PCDHA4: variants seen among roughly 807,000 people sequenced by gnomAD.
PCDHA4 encodes protocadherin alpha-4.
Under a neutral mutation model 61.4 loss-of-function variants are expected in PCDHA4, and 49 were observed. The ratio of observed to expected loss-of-function variants is 0.80; its 90% CI spans 0.63 to 1.01. PCDHA4 has a LOEUF of 1.01. PCDHA4 is among the 50% of genes least tolerant of loss of function. The pLI, the probability that PCDHA4 is intolerant of heterozygous loss-of-function variation, is 0.00. For missense variants in PCDHA4, 1,254 were observed against 1,235.8 expected, an observed-to-expected ratio of 1.01 and a Z score of -0.22; for synonymous variants, 590 against 550.3, an observed-to-expected ratio of 1.07 and a Z score of -1.01.
intron 1 of PCDHA4, among the ~76,000 whole-genome samples, chr5:140,920,752 G>A (rs2079807244): frequency 6.6e-6 from 1 of 151,768 alleles, no homozygotes; most frequent in African/African-American, 2.4e-5. Context: ...GCTGAGGCAG[G>A]AGAATTGCTT....
intron 1 of PCDHA4, among the ~76,000 whole-genome samples, chr5:140,908,393 A>G (rs1295544122): frequency 2.0e-5 from 3 of 152,132 alleles, no homozygotes; most frequent in Non-Finnish European, 4.4e-5. Context: ...CCGATCACAT[A>G]TATACCACTT....
intron 1 of PCDHA4, among the ~76,000 whole-genome samples, chr5:140,941,202 C>CTTTCCTTCTTT (rs1554213921): frequency 8.1e-6 from 1 of 122,742 alleles, no homozygotes; most frequent in Non-Finnish European, 1.8e-5. Flanking sequence ...TTTCTTTCTT[C>CTTTCCTTCTTT]CTTTCTTTCT....
intron 1 of PCDHA4, among the ~76,000 whole-genome samples, chr5:140,838,110 GTGTGT>G (rs1775541794): frequency 6.7e-6 from 1 of 149,788 alleles, no homozygotes; most frequent in Admixed American, 6.7e-5. Flanking sequence ...GTGTGTGTGT[GTGTGT>G]GTGTGTGTGT....
At chr5:140,897,803 C>G (rs1285512803) in intron 1 of PCDHA4, among the ~76,000 whole-genome samples, 1 of 152,130 alleles carries the variant, frequency 6.6e-6, no homozygotes, top group Non-Finnish European at 1.5e-5. Context: ...AGAGTCCCAC[C>G]AACAGTGTAA....
At chr5:140,872,801 C>T (rs2053909345) in intron 1 of PCDHA4, among the ~76,000 whole-genome samples, 1 of 152,086 alleles carries the variant, frequency 6.6e-6, no homozygotes, top group African/African-American at 2.4e-5. Context: ...GGCATTCTTC[C>T]ATAAGTTTTT....
chr5:140,822,599 A>G, intron 1 of PCDHA4: 1 of 1,612,082 alleles, frequency 6.2e-7, no homozygotes, highest in Admixed American at 1.7e-5. Context: ...ATCAATAAGG[A>G]AATAGTGTAT....
intron 1 of PCDHA4, chr5:140,856,762 C>T: frequency 6.3e-7 from 1 of 1,596,712 alleles, no homozygotes; most frequent in Non-Finnish European, 8.6e-7. Context: ...ATGATAACGC[C>T]CCTATCTTTG....
chr5:140,856,591 T>G (rs1554148896), intron 1 of PCDHA4: 1 of 1,597,268 alleles, frequency 6.3e-7, no homozygotes, highest in African/African-American at 1.3e-5. Flanking sequence ...TTCTTGATAT[T>G]ATAAACAAAA....
In PCDHA4 at chr5:140,808,667, C is replaced by T; in HGVS notation, c.1480C>T (p.Leu494=). Residue 494 remains leucine, a synonymous_variant, in exon 1 of 4, where the codon CTG becomes TTG. Coordinates refer to ENST00000530339, the MANE Select transcript of PCDHA4 (RefSeq NM_018907.4). ...GGAGAACGCGCTGGTGTCCTACTCG[C>T]TGGTAGAGCGGCGGGTAGGGGAGCG... ...AQENALVSYS[L]VERRVGERAL... is the part of the protein sequence containing the mutation. 1 of 1,612,956 alleles carries T rather than the reference C, an allele frequency of 6.2e-7. No individual in the cohort carries two copies. Among genetic ancestry groups the T allele is most frequent in the Non-Finnish European group, 8.5e-7 (1 of 1,179,858 alleles).
chr5:140,999,372 G>A (rs1029178969), intron 3 of PCDHA4, among the ~76,000 whole-genome samples: 3 of 152,188 alleles, frequency 2.0e-5, no homozygotes, highest in Non-Finnish European at 1.5e-5. Context: ...AATCCCATTA[G>A]ATGGTTATTG....
intron 1 of PCDHA4, chr5:140,876,605 A>G: frequency 1.2e-6 from 2 of 1,614,060 alleles, no homozygotes; most frequent in South Asian, 1.1e-5. Flanking sequence ...TCGGATCGTG[A>G]CTCTGGAGCC....
chr5:140,848,115 A>G, intron 1 of PCDHA4: 1 of 178,506 alleles, frequency 5.6e-6, no homozygotes, highest in Non-Finnish European at 1.2e-5. Flanking sequence ...TAAGAAAACC[A>G]CAATCAAGGT....
chr5:141,000,393 CTCTA>C (rs1240848742), intron 3 of PCDHA4, among the ~76,000 whole-genome samples: 128 of 52,788 alleles, frequency 2.4e-3, no homozygotes, highest in Admixed American at 6.8e-3. Context: ...CTCTCTCTCT[CTCTA>C]TATATATATA....
At chr5:140,864,213 C>T (rs1389443344) in intron 1 of PCDHA4, 1 of 152,256 alleles carries the variant, frequency 6.6e-6, no homozygotes, top group East Asian at 1.9e-4. Context: ...CAAATCTTCT[C>T]AATTTTGAAG....
At chr5:140,927,470 G>T in intron 1 of PCDHA4, 3 of 1,614,054 alleles carry the variant, frequency 1.9e-6, no homozygotes, top group South Asian at 2.2e-5. Flanking sequence ...GCACTGGATC[G>T]CGAACAGCGC....
intron 1 of PCDHA4, chr5:140,928,354 A>G: frequency 6.2e-7 from 1 of 1,614,150 alleles, no homozygotes; most frequent in Non-Finnish European, 8.5e-7. Flanking sequence ...GTTGGATGTT[A>G]TCTCTGAAGG....
intron 3 of PCDHA4, among the ~76,000 whole-genome samples, chr5:140,995,361 G>C (rs567350687): frequency 1.1e-3 from 168 of 152,090 alleles, no homozygotes; most frequent in African/African-American, 3.4e-3. Flanking sequence ...TCGGACAGAG[G>C]GATGATTCAC....
At position 141,011,003 on chromosome 5, in the gene PCDHA4, C is replaced by G. The variant is rs748731648; in HGVS notation, c.*1066C>G. 2.0e-5 allele frequency: 3 copies of G among 153,824 alleles called. No homozygotes were observed. In the South Asian group the frequency reaches 6.2e-4, roughly 32 times the overall value. 9.5% of individuals were successfully genotyped at this position (153,824 alleles called of 1,614,324 possible). On this transcript the variant is annotated 3_prime_UTR_variant, in exon 4 of 4. Coordinates refer to ENST00000530339, the MANE Select transcript of PCDHA4 (RefSeq NM_018907.4). ...ATTGCCTGAAACATCTGTATTATAT[C>G]GGCCACCTGCCAATCACAGCTTTAC...
intron 1 of PCDHA4, chr5:140,823,125 C>T (rs2150122536): frequency 2.0e-5 from 32 of 1,613,928 alleles, no homozygotes; most frequent in South Asian, 2.0e-4. Context: ...TGAACGACAA[C>T]GCTCCGGCGT....
Sources: gnomAD v4.1 joint callset for allele counts (sites outside exome capture counted in the v4.1 genomes callset) on GRCh38, gnomAD v4.1.1 for gene constraint, MANE v1.5 for transcripts, NCBI Gene and HGNC (gene_info 2026-07-23, HGNC 2026-07-21) for gene names.